NCKAP5: variants seen among roughly 807,000 people sequenced by gnomAD.
NCKAP5 encodes the protein NCK associated protein 5.
A neutral mutation model predicts 167.0 loss-of-function variants in NCKAP5; 92 were observed. The observed-to-expected ratio is 0.55, with a 90% confidence interval of 0.47 to 0.66. The LOEUF (loss-of-function observed/expected upper bound fraction) is 0.66. NCKAP5 is among the 30% of genes least tolerant of loss of function. The pLI is 0.00. For missense variants in NCKAP5, 2,378 were observed against 2,315.0 expected, an observed-to-expected ratio of 1.03 and a Z score of -0.56; for synonymous variants, 891 against 877.4, an observed-to-expected ratio of 1.02 and a Z score of -0.27.
intron 6 of NCKAP5, among the ~76,000 whole-genome samples, chr2:133,056,262 T>A (rs1282248682): frequency 2.0e-5 from 3 of 152,154 alleles, no homozygotes; most frequent in African/African-American, 7.2e-5. Flanking sequence ...TGTATCCTCT[T>A]CCTAAATTCC....
intron 4 of NCKAP5, among the ~76,000 whole-genome samples, chr2:133,237,451 A>C (rs1048263760): frequency 6.6e-6 from 1 of 152,176 alleles, no homozygotes; most frequent in Admixed American, 6.5e-5. Context: ...TGAAGAAAAA[A>C]CTTCAAGACT....
chr2:133,358,749 A>G (rs1684904562), intron 3 of NCKAP5, among the ~76,000 whole-genome samples: 2 of 152,240 alleles, frequency 1.3e-5, no homozygotes, highest in East Asian at 3.8e-4. Flanking sequence ...ATAGAGTAGT[A>G]ACACTATAAA....
chr2:133,483,815 T>TC (rs1050585836), intron 3 of NCKAP5, among the ~76,000 whole-genome samples: 32 of 152,216 alleles, frequency 2.1e-4, no homozygotes, highest in Non-Finnish European at 1.9e-4. Flanking sequence ...TTGCATGGTC[T>TC]CCCCCCATAT....
chr2:132,960,125 C>T (rs2076467925), intron 8 of NCKAP5, among the ~76,000 whole-genome samples: 1 of 152,066 alleles, frequency 6.6e-6, no homozygotes, highest in Non-Finnish European at 1.5e-5. Context: ...GAAAATCAGG[C>T]TAAAAAGAGA....
the NCKAP5 span, among the ~76,000 whole-genome samples, chr2:133,647,742 A>AAGGAAGGAAGGAAGGAAGGG: frequency 6.8e-6 from 1 of 147,872 alleles, no homozygotes; most frequent in African/African-American, 2.5e-5. Flanking sequence ...GGAAGGAAGG[A>AAGGAAGGAAGGAAGGAAGGG]AGGAAGGAAA....
chr2:132,873,437 G>C (rs1691000523), intron 9 of NCKAP5, among the ~76,000 whole-genome samples: 1 of 152,168 alleles, frequency 6.6e-6, no homozygotes, highest in Admixed American at 6.5e-5. Flanking sequence ...TAAGAATAAG[G>C]GATTCTACTT....
the NCKAP5 span, among the ~76,000 whole-genome samples, chr2:133,625,516 C>T: frequency 6.6e-5 from 10 of 152,114 alleles, no homozygotes; most frequent in African/African-American, 2.4e-4. Flanking sequence ...AGCAAGGAAG[C>T]CTTCAAAGTC....
chr2:132,897,197 T>A (rs180680899), intron 8 of NCKAP5, among the ~76,000 whole-genome samples: 153 of 152,302 alleles, frequency 1.0e-3, no homozygotes, highest in Non-Finnish European at 1.6e-4. Context: ...AAACCTCCAC[T>A]AAAACCCTCA....
chr2:132,904,092 T>A (rs1482169577), intron 8 of NCKAP5, among the ~76,000 whole-genome samples: 1 of 151,902 alleles, frequency 6.6e-6, no homozygotes, highest in Non-Finnish European at 1.5e-5. Context: ...ATCGAGACCA[T>A]CTTGGCTAAT....
chr2:132,796,717 G>T lies in NCKAP5; in HGVS notation c.820C>A (p.Arg274Ser). Reference sequence around the variant, plus strand: ...TCTCCAGATGAAAGATCCAAGAGACGTGAGTGAAGTTTCTAGGTAAAACCA... The same window carrying T: ...TCTCCAGATGAAAGATCCAAGAGACTTGAGTGAAGTTTCTAGGTAAAACCA... ...SDLLLQKLHSRLLDLSSGDLL... is the reference protein window; with the variant it reads ...SDLLLQKLHSSLLDLSSGDLL... The change falls in exon 12 of 20, where the codon CGT becomes AGT. Residue 274 changes from arginine to serine, a missense_variant. Physicochemically the swap from Arg to Ser is moderately radical, Grantham distance 110 (BLOSUM62 -1). Transcript: ENST00000409261. The T allele has an allele frequency of 6.2e-7, 1 of 1,610,344 alleles. No individual in the cohort carries two copies.
At chr2:132,918,370 A>G (rs535942944) in intron 8 of NCKAP5, among the ~76,000 whole-genome samples, 1 of 152,320 alleles carries the variant, frequency 6.6e-6, no homozygotes, top group South Asian at 2.1e-4. Flanking sequence ...ACCCTTAGGT[A>G]TTTCAGAATG....
At chr2:132,916,187 C>G (rs116578835) in intron 8 of NCKAP5, among the ~76,000 whole-genome samples, 293 of 151,822 alleles carry the variant, frequency 1.9e-3, no homozygotes, top group Middle Eastern at 6.8e-3. Flanking sequence ...ATGAGAAATA[C>G]TATGGTGAAG....
chr2:133,316,993 T>G (rs1258555335), intron 3 of NCKAP5, among the ~76,000 whole-genome samples: 1 of 152,048 alleles, frequency 6.6e-6, no homozygotes, highest in Non-Finnish European at 1.5e-5. Context: ...TACCCCTAAA[T>G]CTCTTCTCCA....
At chr2:133,603,761 T>G in the NCKAP5 span, among the ~76,000 whole-genome samples, 1 of 151,694 alleles carries the variant, frequency 6.6e-6, no homozygotes, top group Non-Finnish European at 1.5e-5. Flanking sequence ...GGTCTTGAAC[T>G]CCCAACCTCA....
At chr2:133,130,205 A>C in intron 5 of NCKAP5, 94 bp from the exon 6 acceptor site, 2 of 1,376,366 alleles carry the variant, frequency 1.5e-6, no homozygotes, top group Non-Finnish European at 1.9e-6. Flanking sequence ...AGCTTTATAT[A>C]TATGAATTTC....
chr2:133,362,932 T>G (rs1685212155), intron 3 of NCKAP5, among the ~76,000 whole-genome samples: 1 of 151,726 alleles, frequency 6.6e-6, no homozygotes, highest in Admixed American at 6.6e-5. Flanking sequence ...TTTTTCGTTT[T>G]TTGTTTTTTT....
chr2:132,740,843 T>G (rs1397287702), intron 16 of NCKAP5, among the ~76,000 whole-genome samples: 1 of 151,822 alleles, frequency 6.6e-6, no homozygotes, highest in Middle Eastern at 3.2e-3. Context: ...GAAATTAATA[T>G]GACAAACAAT....
chr2:133,116,758 T>C (rs1308318951), intron 6 of NCKAP5, among the ~76,000 whole-genome samples: 1 of 152,214 alleles, frequency 6.6e-6, no homozygotes, highest in Non-Finnish European at 1.5e-5. Context: ...CTGACTTAAA[T>C]CCTGATTCAG....
chr2:133,319,623 G>A (rs1442227696), intron 3 of NCKAP5, among the ~76,000 whole-genome samples: 1 of 152,138 alleles, frequency 6.6e-6, no homozygotes, highest in Non-Finnish European at 1.5e-5. Context: ...ACATATTTGG[G>A]ATAGCAACGC....
Sources: allele counts gnomAD v4.1 joint callset (sites outside exome capture counted in the v4.1 genomes callset), GRCh38; gene constraint gnomAD v4.1.1; transcripts MANE v1.5; gene names NCBI Gene and HGNC (gene_info 2026-07-23, HGNC 2026-07-21).